FGD4: variants seen among roughly 807,000 people sequenced by gnomAD.
FGD4 encodes FYVE, RhoGEF and PH domain-containing protein 4.
Under a neutral mutation model 102.0 loss-of-function variants are expected in FGD4, and 42 were observed. The ratio of observed to expected loss-of-function variants is 0.41; its 90% confidence interval spans 0.32 to 0.53. The LOEUF (loss-of-function observed/expected upper bound fraction) is 0.53. Ranked by LOEUF, FGD4 falls within the 20% of genes least tolerant of loss-of-function variation. FGD4 has a pLI of 0.21. For synonymous variants in FGD4, 380 were observed against 375.7 expected, an observed-to-expected ratio of 1.01 and a Z score of -0.13; for missense variants, 902 against 1,078.2, an observed-to-expected ratio of 0.84 and a Z score of 2.29.
chr12:32,618,562 A>G (rs1409553583), intron 10 of FGD4, among the ~76,000 whole-genome samples: 1 of 152,206 alleles, frequency 6.6e-6, no homozygotes, highest in African/African-American at 2.4e-5. Context: ...ACCAGATGCT[A>G]TGTCTCACAC....
intron 10 of FGD4, among the ~76,000 whole-genome samples, chr12:32,612,003 G>A (rs1949170249): frequency 6.6e-6 from 1 of 152,250 alleles, no homozygotes; most frequent in African/African-American, 2.4e-5. Context: ...CAAATTTGGA[G>A]CCAAGCCTAG....
intron 1 of FGD4, among the ~76,000 whole-genome samples, chr12:32,474,354 C>T (rs746915536): frequency 2.0e-5 from 3 of 152,044 alleles, no homozygotes; most frequent in Non-Finnish European, 4.4e-5. Context: ...CTCAAATGTC[C>T]AGCTGATGAA....
rs565331739 is a variant in FGD4 at position 32,612,294 on chromosome 12, C to T, written c.1749+1011C>T. On this transcript the variant is annotated intron_variant, in intron 10 of 16. Coordinates refer to ENST00000534526, the MANE Select transcript of FGD4 (RefSeq NM_001370298.3). ...TGTAGCCAGCATGCCTGGCTGTGCG[C>T]GTGACCCGGACCCTGTGCTCGCTCA... 8.0e-4 allele frequency among the ~76,000 whole-genome samples: 122 copies of T among 152,328 alleles called. 1 individual carries two copies. Among genetic ancestry groups the T allele is most frequent in the South Asian group, 5.0e-3 (24 of 4,832 alleles).
In FGD4 at chr12:32,624,630, CT is replaced by C; in HGVS notation, c.1953+179del. On this transcript the variant is annotated intron_variant, in intron 12 of 16. Transcript: ENST00000534526. ...GGACTATAGGCGTGCACCACCATGTCTGGTTAATTTTTTTTTTGTATTTCGT... is the reference window on the plus strand; with the variant it reads ...GGACTATAGGCGTGCACCACCATGTCGGTTAATTTTTTTTTTGTATTTCGT... The C allele has an allele frequency of 7.2e-6, 5 of 696,716 alleles. No homozygotes were observed. The East Asian group carries it at 1.4e-4, about 19-fold the overall frequency. The allele number at this position is 696,716 out of a possible 1,614,324, so 43.2% of individuals were successfully genotyped here. A position where few individuals can be genotyped will look rare whatever the true frequency, so the allele number is the denominator to read the frequency against.
Position 32,611,204 on chromosome 12 carries a change from C to A in FGD4, c.1670C>A (p.Ser557Ter). 6.2e-7 allele frequency: 1 copy of A among 1,614,140 alleles called. No homozygotes were observed. The highest frequency in any genetic ancestry group is 8.5e-7 in the Non-Finnish European group (1 of 1,180,014). ...GAAGAAGAAGACATTGTAAACCCTT[C>A]AAATGAACTAATAAAAGAAGGACAG... ...LGEEEDIVNP[S>*]NELIKEGQIL... Residue 557 changes from serine (S) to a stop codon, truncating the protein, a stop_gained, in exon 10 of 17, where the codon TCA (serine) becomes TAA (stop). Transcript: ENST00000534526. LOFTEE classifies it high-confidence loss of function.
At chr12:32,495,515 C>T (rs1254507875) in intron 1 of FGD4, among the ~76,000 whole-genome samples, 2 of 151,736 alleles carry the variant, frequency 1.3e-5, no homozygotes, top group African/African-American at 2.4e-5. Flanking sequence ...GCTAACACAG[C>T]GAAACCCGTC....
At chr12:32,625,105 A>T in intron 13 of FGD4, 37 bp downstream of exon 13, 1 of 1,536,276 alleles carries the variant, frequency 6.5e-7, no homozygotes, top group South Asian at 1.1e-5. Flanking sequence ...AACCTCTTTC[A>T]TATCTTTGCA....
chr12:32,451,133 C>T (rs371144102), intron 1 of FGD4, among the ~76,000 whole-genome samples: 4 of 152,210 alleles, frequency 2.6e-5, no homozygotes, highest in African/African-American at 9.7e-5. Flanking sequence ...TGCCTATCTC[C>T]TTTAACCTTA....
chr12:32,611,394 T>A (rs777045561), intron 10 of FGD4, 111 bp downstream of exon 10: 35 of 1,261,268 alleles, frequency 2.8e-5, no homozygotes, highest in Non-Finnish European at 3.6e-5. Context: ...GGCGAGTGGA[T>A]CTCCTGAGGT....
At chr12:32,495,706 A>G (rs10844221) in intron 1 of FGD4, among the ~76,000 whole-genome samples, 9 of 146,232 alleles carry the variant, frequency 6.2e-5, no homozygotes, top group East Asian at 2.0e-4. Context: ...AAAAAAAAAA[A>G]AAAAAAGAAG....
chr12:32,600,588 C>CTTTTTTTTTTTTTTTTTTTTTTT (rs1245510421), intron 5 of FGD4: 9 of 256,620 alleles, frequency 3.5e-5, no homozygotes, highest in African/African-American at 2.8e-4. Context: ...TTCTTTCTTT[C>CTTTTTTTTTTTTTTTTTTTTTTT]TTTCTTTTTT....
chr12:32,514,478 C>G (rs984377805), intron 1 of FGD4, among the ~76,000 whole-genome samples: 10 of 152,012 alleles, frequency 6.6e-5, no homozygotes, highest in Non-Finnish European at 2.9e-5. Context: ...TCTTGTCTCT[C>G]TCCCCAAATA....
At chr12:32,592,069 A>C (rs1346022921) in intron 4 of FGD4, among the ~76,000 whole-genome samples, 1 of 151,956 alleles carries the variant, frequency 6.6e-6, no homozygotes, top group African/African-American at 2.4e-5. Flanking sequence ...GTAAGGTAAA[A>C]ATTAATATAT....
At chr12:32,466,273 G>A (rs1943250334) in intron 1 of FGD4, among the ~76,000 whole-genome samples, 1 of 152,128 alleles carries the variant, frequency 6.6e-6, no homozygotes, top group African/African-American at 2.4e-5. Flanking sequence ...CTCTGAGTGT[G>A]CCTGTACATA....
chr12:32,626,842 T>TG (rs1314459545), intron 14 of FGD4, among the ~76,000 whole-genome samples: 3 of 152,050 alleles, frequency 2.0e-5, no homozygotes, highest in Admixed American at 1.3e-4. Context: ...TATTTGGTTT[T>TG]TTTTGTTTTG....
chr12:32,537,731 C>T (rs866728809), intron 1 of FGD4, among the ~76,000 whole-genome samples: 31 of 152,152 alleles, frequency 2.0e-4, no homozygotes, highest in Admixed American at 1.3e-4. Context: ...GAATGCTAAT[C>T]CTCAAAATAT....
intron 1 of FGD4, among the ~76,000 whole-genome samples, chr12:32,418,815 G>A (rs1427810158): frequency 1.3e-5 from 2 of 152,196 alleles, no homozygotes; most frequent in African/African-American, 4.8e-5. Flanking sequence ...AGTTCCCCTA[G>A]GCCCCAGATT....
In FGD4 at chr12:32,456,293, T is replaced by C. The variant is rs999902743; in HGVS notation, c.166+56334T>C. Among the ~76,000 whole-genome samples the C allele has an allele frequency of 6.6e-5, 10 of 152,206 alleles. 1 individual carries two copies. The highest frequency in any genetic ancestry group is 2.6e-4 in the Admixed American group (4 of 15,282). ...TGATTAGAATGTACCCATGTGACTA[T>C]TGCCATAATTTGTGGCTGCAGGGGA... On this transcript the variant is annotated intron_variant, in intron 1 of 16. Transcript: ENST00000534526.
Position 32,611,222 on chromosome 12 carries a change from A to G in FGD4, c.1688A>G (p.Glu563Gly), listed in dbSNP as rs1388637192. The change falls in exon 10 of 17, where the codon GAA (glutamate) becomes GGA (glycine). Residue 563 changes from glutamate (E) to glycine (G), a missense_variant. Glu to Gly is a moderately conservative substitution (Grantham distance 98). Around this residue, in one of 2 missense-constraint regions of FGD4, gnomAD observed 459 missense variants for 619.0 expected, o/e 0.74. Coordinates refer to ENST00000534526, the MANE Select transcript of FGD4 (RefSeq NM_001370298.3). ...AACCCTTCAAATGAACTAATAAAAG[A>G]AGGACAGATCCTCAAACTAGCTGCT... The part of the protein sequence containing the change: ...IVNPSNELIK[E>G]GQILKLAARN... 1 of 1,614,230 alleles carries G rather than the reference A, an allele frequency of 6.2e-7. No homozygotes were observed. Among genetic ancestry groups the G allele is most frequent in the African/African-American group, 1.3e-5 (1 of 75,064 alleles).
Sources: gnomAD v4.1 joint callset for allele counts (sites outside exome capture counted in the v4.1 genomes callset) on GRCh38, gnomAD v4.1.1 for gene constraint, gnomAD v4.1.1 regional missense constraint, MANE v1.5 for transcripts, NCBI Gene and HGNC (gene_info 2026-07-23, HGNC 2026-07-21) for gene names.